GPHN: variants seen among roughly 807,000 people sequenced by gnomAD.
GPHN encodes gephyrin.
Under a neutral mutation model 95.5 loss-of-function variants are expected in GPHN, and 17 were observed. That is an observed-to-expected ratio of 0.18 (90% CI 0.12 to 0.27). The LOEUF is 0.27. Among genes scored for constraint, GPHN ranks in the 10% least tolerant of loss-of-function variants. The pLI is 1.00. For missense variants in GPHN, 660 were observed against 978.1 expected, an observed-to-expected ratio of 0.67 and a Z score of 4.34; for synonymous variants, 320 against 322.5, an observed-to-expected ratio of 0.99 and a Z score of 0.08.
the GPHN span, among the ~76,000 whole-genome samples, chr14:67,667,839 G>T: frequency 6.6e-6 from 1 of 152,124 alleles, no homozygotes; most frequent in South Asian, 2.1e-4. Flanking sequence ...AGCTACTCGG[G>T]AGGCTGAGGC....
At chr14:66,934,412 T>C (rs1040284378) in intron 8 of GPHN, among the ~76,000 whole-genome samples, 3 of 152,200 alleles carry the variant, frequency 2.0e-5, no homozygotes, top group Non-Finnish European at 4.4e-5. Context: ...TCCCTCTTCC[T>C]AGCACTGTAC....
At chr14:67,208,821 C>A in the GPHN span, among the ~76,000 whole-genome samples, 1 of 149,814 alleles carries the variant, frequency 6.7e-6, no homozygotes, top group East Asian at 2.0e-4. Flanking sequence ...TGCTTGAACT[C>A]AGAAGGCAGA....
intron 17 of GPHN, among the ~76,000 whole-genome samples, chr14:67,138,207 T>G (rs1942434536): frequency 6.6e-6 from 1 of 152,244 alleles, no homozygotes. Context: ...TCCTCTTTTG[T>G]ACTGCCTTCC....
chr14:67,606,278 A>G, the GPHN span, among the ~76,000 whole-genome samples: 1 of 152,212 alleles, frequency 6.6e-6, no homozygotes, highest in African/African-American at 2.4e-5. Context: ...TCACTTCTCC[A>G]TCTTGTGGAT....
At chr14:67,711,048 T>G in the GPHN span, among the ~76,000 whole-genome samples, 1 of 152,208 alleles carries the variant, frequency 6.6e-6, no homozygotes, top group Admixed American at 6.5e-5. Context: ...TTCCTGGGCA[T>G]AGGCCAAACA....
intron 9 of GPHN, among the ~76,000 whole-genome samples, chr14:67,005,615 G>A (rs2072549414): frequency 7.6e-6 from 1 of 132,206 alleles, no homozygotes; most frequent in South Asian, 2.3e-4. Context: ...AAATATTTTG[G>A]GAACACAGAC....
At chr14:66,631,551 CTTTAT>C (rs1383267457) in intron 1 of GPHN, among the ~76,000 whole-genome samples, 4 of 152,100 alleles carry the variant, frequency 2.6e-5, no homozygotes, top group Non-Finnish European at 5.9e-5. Flanking sequence ...AAGATAGCAC[CTTTAT>C]TTTGACTATG....
At chr14:67,338,478 C>A in the GPHN span, 1 of 878,912 alleles carries the variant, frequency 1.1e-6, no homozygotes, top group Non-Finnish European at 1.7e-6. Flanking sequence ...CAAAAGTAAT[C>A]CCATAAATAG....
intron 2 of GPHN, among the ~76,000 whole-genome samples, chr14:66,684,937 TC>T (rs1007224010): frequency 6.6e-6 from 1 of 152,082 alleles, no homozygotes; most frequent in Non-Finnish European, 1.5e-5. Flanking sequence ...TGTGTGATGT[TC>T]CCTTCCTGTG....
the GPHN span, among the ~76,000 whole-genome samples, chr14:67,680,198 G>A: frequency 3.2e-3 from 494 of 152,272 alleles, 17 homozygotes; most frequent in East Asian, 0.081. Context: ...ATATCGTCAC[G>A]TTTACAAAAC....
At chr14:66,809,314 A>G (rs1373896142) in intron 3 of GPHN, among the ~76,000 whole-genome samples, 2 of 152,142 alleles carry the variant, frequency 1.3e-5, no homozygotes, top group African/African-American at 2.4e-5. Flanking sequence ...GCTCCTTAAT[A>G]GGATTGTGAC....
At chr14:67,719,278 T>C in the GPHN span, among the ~76,000 whole-genome samples, 1 of 152,186 alleles carries the variant, frequency 6.6e-6, no homozygotes, top group Non-Finnish European at 1.5e-5. Context: ...TCAGTATTAA[T>C]CAGTAACCTG....
intron 5 of GPHN, among the ~76,000 whole-genome samples, chr14:66,887,667 C>T (rs1021006942): frequency 6.6e-6 from 1 of 152,138 alleles, no homozygotes; most frequent in African/African-American, 2.4e-5. Context: ...CTGTCTACAG[C>T]AGTTCCTTTT....
At chr14:67,123,693 A>C (rs997917940) in intron 17 of GPHN, among the ~76,000 whole-genome samples, 1 of 152,094 alleles carries the variant, frequency 6.6e-6, no homozygotes, top group Non-Finnish European at 1.5e-5. Context: ...AAATAAGTAA[A>C]CAAATTAAGC....
chr14:66,961,674 C>T (rs2068910411), intron 8 of GPHN, among the ~76,000 whole-genome samples: 1 of 151,210 alleles, frequency 6.6e-6, no homozygotes, highest in Admixed American at 6.6e-5. Flanking sequence ...CTCACTCTCA[C>T]TAAGAATCAG....
At chr14:67,030,829 C>G (rs907083857) in intron 10 of GPHN, among the ~76,000 whole-genome samples, 7 of 152,096 alleles carry the variant, frequency 4.6e-5, no homozygotes, top group African/African-American at 1.7e-4. Flanking sequence ...ATGACTCTCT[C>G]TCAATAAGAG....
intron 1 of GPHN, among the ~76,000 whole-genome samples, chr14:66,619,482 T>C (rs1435793344): frequency 1.5e-5 from 2 of 134,198 alleles, no homozygotes; most frequent in Non-Finnish European, 3.0e-5. Flanking sequence ...TTGAAGATAT[T>C]CTCAGGTTTT....
At chr14:66,830,730 ACT>A (rs1200433411) in intron 4 of GPHN, among the ~76,000 whole-genome samples, 8 of 152,088 alleles carry the variant, frequency 5.3e-5, no homozygotes, top group East Asian at 1.9e-4. Context: ...TTAGGAAAAG[ACT>A]CTGAATTTTA....
the GPHN span, chr14:67,620,170 C>T: frequency 9.8e-7 from 1 of 1,022,704 alleles, no homozygotes; most frequent in South Asian, 1.6e-5. Context: ...GTGCGGGGGA[C>T]CGGGAGGCGA....
Sources: allele counts gnomAD v4.1 joint callset (sites outside exome capture counted in the v4.1 genomes callset), GRCh38; gene constraint gnomAD v4.1.1; transcripts MANE v1.5; gene names NCBI Gene and HGNC (gene_info 2026-07-23, HGNC 2026-07-21).